The following PAX2 variants were observed in gnomAD, a reference collection of about 807,000 sequenced individuals.
The protein encoded by PAX2 is paired box 2.
A neutral mutation model predicts 41.7 loss-of-function variants in PAX2; 9 were observed. The ratio of observed to expected loss-of-function variants is 0.22; its 90% CI spans 0.13 to 0.38. The LOEUF is 0.38. PAX2 is among the 10% of genes least tolerant of loss of function. The pLI is 1.00. For synonymous variants in PAX2, 221 were observed against 212.7 expected, an observed-to-expected ratio of 1.04 and a Z score of -0.34; for missense variants, 418 against 531.6, an observed-to-expected ratio of 0.79 and a Z score of 2.10.
rs1471835132 is a variant in PAX2 at position 100,747,661 on chromosome 10, G to A, written c.43+1358G>A. 5.1e-6 allele frequency: 5 copies of A among 984,668 alleles called. No individual in the cohort carries two copies. In the African/African-American group the frequency reaches 8.8e-5, roughly 17 times the overall value. The allele number at this position is 984,668 out of a possible 1,614,324, so 61.0% of individuals were successfully genotyped here. A position where few individuals can be genotyped will look rare whatever the true frequency, so the allele number is the denominator to read the frequency against. On this transcript the variant is annotated intron_variant, in intron 1 of 9. Transcript: ENST00000355243. The stretch of plus-strand genomic sequence containing the variant: ...CGCTAATCATATATTTAGCGTTGCG[G>A]GGGTTGGGGGGGGCGTTTAAAAATA...
At position 100,824,651 on chromosome 10, in the gene PAX2, G is replaced by A. The variant is rs777054297; in HGVS notation, c.923G>A (p.Arg308His). 2.0e-5 allele frequency: 32 copies of A among 1,606,530 alleles called. No individual in the cohort carries two copies. The highest frequency in any genetic ancestry group is 4.5e-5 in the East Asian group (2 of 44,846). Residue 308 changes from arginine (R) to histidine (H), a missense_variant, in exon 8 of 10, where the codon CGT becomes CAT. Physicochemically the swap from Arg to His is conservative, Grantham distance 29. Coordinates refer to ENST00000355243, the MANE Select transcript of PAX2 (RefSeq NM_000278.5). This position sits in a 1 kb window ranked among gnomAD's most constrained non-coding sequence, Gnocchi z 6.6. Reference protein sequence around the residue: ...GTQTYPVVTGRDMASTTLPGY... With the variant: ...GTQTYPVVTGHDMASTTLPGY... ...CTTCCCCTTTGTGTTTTTCCAGGTC[G>A]TGACATGGCGAGCACCACTCTGCCT...
At chr10:100,821,458 T>G (rs1848378868) in intron 7 of PAX2, among the ~76,000 whole-genome samples, 1 of 152,220 alleles carries the variant, frequency 6.6e-6, no homozygotes, top group Admixed American at 6.5e-5. Flanking sequence ...TCTTTCACGT[T>G]TTAAAAATTT....
At chr10:100,741,023 C>T (rs565250527), upstream of PAX2, among the ~76,000 whole-genome samples, 2 of 152,346 alleles carry the variant, frequency 1.3e-5, no homozygotes, top group Admixed American at 1.3e-4. Context: ...GCTTTGGTGG[C>T]CAAGTGGCTT....
At chr10:100,806,821 C>T (rs1847800976) in intron 6 of PAX2, among the ~76,000 whole-genome samples, 1 of 152,158 alleles carries the variant, frequency 6.6e-6, no homozygotes, top group African/African-American at 2.4e-5. Context: ...GAAATGAGTT[C>T]TGGGTGCAAG....
At chr10:100,806,285 A>T (rs1179316652) in intron 5 of PAX2, 145 bp from the exon 6 acceptor site, 1 of 812,608 alleles carries the variant, frequency 1.2e-6, no homozygotes, top group Non-Finnish European at 2.1e-6. Context: ...TGTCAGCCCC[A>T]CTGGCCCAGG....
At chr10:100,809,017 C>A in intron 6 of PAX2, 93 bp from the exon 7 acceptor site, 1 of 1,180,710 alleles carries the variant, frequency 8.5e-7, no homozygotes, top group Non-Finnish European at 1.3e-6. Flanking sequence ...CCCATCTGGG[C>A]GGGCTCCCCT....
intron 5 of PAX2, among the ~76,000 whole-genome samples, chr10:100,782,009 G>T (rs1478458141): frequency 6.6e-6 from 1 of 152,152 alleles, no homozygotes; most frequent in Non-Finnish European, 1.5e-5. Flanking sequence ...AAGAAATAAG[G>T]GGGAGAGTGG....
At chr10:100,739,898 G>A (rs1196373489) in intron 1 of PAX2, among the ~76,000 whole-genome samples, 1 of 152,242 alleles carries the variant, frequency 6.6e-6, no homozygotes, top group Admixed American at 6.5e-5. Context: ...CCTAGGGGAG[G>A]AGGGGAGGGG....
intron 5 of PAX2, among the ~76,000 whole-genome samples, chr10:100,793,556 G>A (rs774495969): frequency 1.3e-5 from 2 of 152,168 alleles, no homozygotes; most frequent in Non-Finnish European, 2.9e-5. Context: ...GCTCTTTTTC[G>A]GGGGAGCTAA....
chr10:100,791,966 G>A lies in PAX2; in HGVS notation c.616+10601G>A, dbSNP rs4917910. Reference sequence around the variant, plus strand: ...TCTTGGGCAGTGGGTATGTGGTCCAGGCAGCAAAAGGGACCAGAATGCTAT... The same window carrying A: ...TCTTGGGCAGTGGGTATGTGGTCCAAGCAGCAAAAGGGACCAGAATGCTAT... On this transcript the variant is annotated intron_variant, in intron 5 of 9. Transcript: ENST00000355243. The surrounding 1 kb of genome is among the most constrained non-coding windows in gnomAD (Gnocchi z 4.5). Among the ~76,000 whole-genome samples the A allele has an allele frequency of 6.6e-6, 1 of 152,146 alleles. No individual in the cohort carries two copies.
rs10639967 is a variant in PAX2 at position 100,804,271 on chromosome 10, T to TACACACACACACACACACAC, written c.617-2153_617-2134dup. Among the ~76,000 whole-genome samples the TACACACACACACACACACAC allele has an allele frequency of 1.1e-3, 162 of 147,862 alleles. 1 individual carries two copies. Among genetic ancestry groups the TACACACACACACACACACAC allele is most frequent in the East Asian group, 7.0e-3 (35 of 4,990 alleles). On this transcript the variant is annotated intron_variant, in intron 5 of 9. Coordinates refer to ENST00000355243, the MANE Select transcript of PAX2 (RefSeq NM_000278.5). The stretch of plus-strand genomic sequence containing the variant: ...GAGGACAAAGCTTCAGTTCAGCCCC[T>TACACACACACACACACACAC]ACACACACACACACACACACACACA...
intron 3 of PAX2, among the ~76,000 whole-genome samples, chr10:100,753,957 T>G (rs1845541016): frequency 6.6e-6 from 1 of 152,192 alleles, no homozygotes; most frequent in Non-Finnish European, 1.5e-5. Context: ...TTGACTGGGC[T>G]CCTTAGCATG....
intron 3 of PAX2, among the ~76,000 whole-genome samples, chr10:100,755,462 A>T (rs1029819884): frequency 6.6e-6 from 1 of 152,260 alleles, no homozygotes; most frequent in Non-Finnish European, 1.5e-5. Context: ...AAATGAATAA[A>T]TAAATAGTGT....
chr10:100,751,283 C>A (rs527952163), intron 3 of PAX2, among the ~76,000 whole-genome samples: 2 of 152,166 alleles, frequency 1.3e-5, no homozygotes, highest in Non-Finnish European at 2.9e-5. Context: ...AAAGGCTGCT[C>A]CTTCCCCAGG....
At chr10:100,751,058 A>G (rs1304195158) in intron 3 of PAX2, among the ~76,000 whole-genome samples, 167 bp downstream of exon 3, 1 of 152,148 alleles carries the variant, frequency 6.6e-6, no homozygotes, top group African/African-American at 2.4e-5. Context: ...GCAGAGAGTT[A>G]GACAGACAGA....
chr10:100,808,368 CA>C (rs963089189), intron 6 of PAX2, among the ~76,000 whole-genome samples: 6 of 152,144 alleles, frequency 3.9e-5, no homozygotes, highest in Non-Finnish European at 7.4e-5. Flanking sequence ...GGGAAAAAAA[CA>C]GACCCGAAAG....
chr10:100,750,829 C>T lies in PAX2; in HGVS notation c.348C>T (p.Asp116=), dbSNP rs772128859. 1.2e-6 allele frequency: 2 copies of T among 1,614,186 alleles called. No homozygotes were observed. Among genetic ancestry groups the T allele is most frequent in the Admixed American group, 3.3e-5 (2 of 60,032 alleles). Residue 116 remains aspartate (D), a synonymous_variant, in exon 3 of 10, where the codon GAC becomes GAT. Coordinates refer to ENST00000355243, the MANE Select transcript of PAX2 (RefSeq NM_000278.5). This position sits in a 1 kb window ranked among gnomAD's most constrained non-coding sequence, Gnocchi z 4.1. ...NPTMFAWEIR[D]RLLAEGICDN... ...CTATGTTCGCCTGGGAGATTCGAGACCGGCTCCTGGCCGAGGGCATCTGTG... is the reference window on the plus strand; with the variant it reads ...CTATGTTCGCCTGGGAGATTCGAGATCGGCTCCTGGCCGAGGGCATCTGTG...
chr10:100,819,135 C>A (rs2133974782), intron 7 of PAX2, among the ~76,000 whole-genome samples: 1 of 151,932 alleles, frequency 6.6e-6, no homozygotes, highest in Non-Finnish European at 1.5e-5. Context: ...GTAATCCCAG[C>A]TACTCGTGAG....
intron 5 of PAX2, among the ~76,000 whole-genome samples, chr10:100,786,033 C>T (rs184677017): frequency 2.0e-5 from 3 of 152,306 alleles, no homozygotes; most frequent in African/African-American, 7.2e-5. Context: ...GGAGACGCAT[C>T]CTTGTGTATC....
Sources: allele counts gnomAD v4.1 joint callset (sites outside exome capture counted in the v4.1 genomes callset), GRCh38; gene constraint gnomAD v4.1.1; non-coding constraint Gnocchi (gnomAD v3.1); transcripts MANE v1.5; gene names NCBI Gene and HGNC (gene_info 2026-07-23, HGNC 2026-07-21).